GRAMD4: variants seen among roughly 807,000 people sequenced by gnomAD.
GRAMD4 encodes GRAM domain containing 4, also known as GRAM domain-containing protein 4.
In GRAMD4, 25 loss-of-function variants were observed where a neutral mutation model predicts 83.9. That is an observed-to-expected ratio of 0.30 (90% confidence interval 0.22 to 0.42). The LOEUF (loss-of-function observed/expected upper bound fraction) is 0.42, where lower values mean the gene tolerates loss of function less well. GRAMD4 is among the 10% of genes least tolerant of loss of function. GRAMD4 has a pLI of 1.00. For synonymous variants in GRAMD4, 336 were observed against 320.9 expected, an observed-to-expected ratio of 1.05 and a Z score of -0.50; for missense variants, 593 against 788.7, an observed-to-expected ratio of 0.75 and a Z score of 2.97.
intron 2 of GRAMD4, among the ~76,000 whole-genome samples, chr22:46,634,149 G>A (rs1024275258): frequency 2.6e-5 from 4 of 152,214 alleles, no homozygotes; most frequent in African/African-American, 7.2e-5. Context: ...GGGCCCTGCC[G>A]AGGGCTGGGG....
intron 1 of GRAMD4, among the ~76,000 whole-genome samples, chr22:46,601,909 A>C (rs1459300060): frequency 6.6e-6 from 1 of 152,222 alleles, no homozygotes; most frequent in Non-Finnish European, 1.5e-5. Flanking sequence ...CCCCCAGTTC[A>C]TATCTCCAGA....
At chr22:46,638,920 G>A (rs1018064574) in intron 3 of GRAMD4, among the ~76,000 whole-genome samples, 3 of 152,202 alleles carry the variant, frequency 2.0e-5, no homozygotes, top group Non-Finnish European at 1.5e-5. Context: ...TTGCCAGAAG[G>A]ATTGTCATCT....
At chr22:46,655,164 C>T (rs2082224448) in intron 3 of GRAMD4, among the ~76,000 whole-genome samples, 1 of 149,162 alleles carries the variant, frequency 6.7e-6, no homozygotes, top group Admixed American at 6.8e-5. Flanking sequence ...CGACCCTCGG[C>T]AAATCTGAAT....
chr22:46,677,057 C>T (rs961675372), intron 18 of GRAMD4, 90 bp from the exon 19 acceptor site: 4 of 1,484,830 alleles, frequency 2.7e-6, no homozygotes, highest in Non-Finnish European at 2.8e-6. Context: ...AGCGTGCTGG[C>T]CTGGGGCTGG....
At chr22:46,603,549 C>T (rs1436149145) in intron 1 of GRAMD4, among the ~76,000 whole-genome samples, 1 of 105,612 alleles carries the variant, frequency 9.5e-6, no homozygotes, top group African/African-American at 3.5e-5. Context: ...TGGAGTCTCA[C>T]TCTGTCACCC....
chr22:46,581,795 C>T (rs892574834), intron 1 of GRAMD4, among the ~76,000 whole-genome samples: 1 of 152,192 alleles, frequency 6.6e-6, no homozygotes, highest in African/African-American at 2.4e-5. Context: ...TAACCTAAGC[C>T]CCATATGCAC....
chr22:46,586,693 G>A (rs2081153606), intron 1 of GRAMD4, among the ~76,000 whole-genome samples: 1 of 152,212 alleles, frequency 6.6e-6, no homozygotes, highest in Non-Finnish European at 1.5e-5. Flanking sequence ...CAGGGCGACT[G>A]GCTGCTGTCC....
In GRAMD4 at chr22:46,579,319, C is replaced by A. The variant is rs551794100; in HGVS notation, c.-50+2029C>A. The stretch of plus-strand genomic sequence containing the variant: ...CGTTAGGTGATCTTTGCTCTCCGCT[C>A]TCCCAGGCTTCACCTTCACCAACTG... On this transcript the variant is annotated intron_variant, in intron 1 of 1. Coordinates refer to the GRAMD4 transcript ENST00000431155. Among the ~76,000 whole-genome samples the A allele has an allele frequency of 9.2e-5, 14 of 152,330 alleles. No individual in the cohort carries two copies. The South Asian group carries it at 2.9e-3, about 32-fold the overall frequency.
rs1415364445 is a variant in GRAMD4, at chr22:46,667,330, ACT to A, written c.858+460_858+461del. ...ACTCCAGCCTGGGCAACAGAGCAAGACTCTGTCTCAAAAAAACAGAACAACGA... is the reference window on the plus strand; with the variant it reads ...ACTCCAGCCTGGGCAACAGAGCAAGACTGTCTCAAAAAAACAGAACAACGA... On this transcript the variant is annotated intron_variant, in intron 10 of 18. Coordinates refer to ENST00000406902, the MANE Select transcript of GRAMD4 (RefSeq NM_015124.5). Among the ~76,000 whole-genome samples the A allele has an allele frequency of 5.3e-5, 8 of 152,120 alleles. No homozygotes were observed. In the South Asian group the frequency reaches 6.2e-4, roughly 12 times the overall value.
At chr22:46,643,083 TTATCCATCC>T (rs2081999283) in intron 3 of GRAMD4, among the ~76,000 whole-genome samples, 1 of 12,504 alleles carries the variant, frequency 8.0e-5, no homozygotes, top group Non-Finnish European at 1.8e-4. Context: ...ATCTATCCAT[TTATCCATCC>T]ATCCATCCAT....
intron 1 of GRAMD4, among the ~76,000 whole-genome samples, chr22:46,578,273 G>A (rs771130678): frequency 3.9e-5 from 6 of 152,178 alleles, no homozygotes; most frequent in Non-Finnish European, 7.4e-5. Context: ...CCAGCCCAGT[G>A]CAGCCCTGCC....
rs529612790 is a variant in GRAMD4, at chr22:46,669,598, C to T, written c.1084+690C>T. The stretch of plus-strand genomic sequence containing the variant: ...CTCTCTCTTTTTTTTTTTTTGGAGA[C>T]GGAGTGTCGCTCTGTCGCCCAGGCT... On this transcript the variant is annotated intron_variant, in intron 13 of 18. Transcript: ENST00000406902. 3.0e-4 allele frequency among the ~76,000 whole-genome samples: 45 copies of T among 148,096 alleles called. 2 individuals carry two copies. Among genetic ancestry groups the T allele is most frequent in the Admixed American group, 9.4e-4 (14 of 14,888 alleles).
upstream of GRAMD4, chr22:46,620,166 C>A (rs370140570): frequency 4.4e-6 from 1 of 225,406 alleles, no homozygotes; most frequent in Non-Finnish European, 7.4e-6. This position sits in a 1 kb window ranked among gnomAD's most constrained non-coding sequence, Gnocchi z 4.7. Context: ...AAGTCCTTTG[C>A]GGTTTCTGAG....
chr22:46,674,014 C>T (rs548778637), intron 15 of GRAMD4, among the ~76,000 whole-genome samples, 200 bp downstream of exon 15: 5 of 152,312 alleles, frequency 3.3e-5, no homozygotes, highest in South Asian at 4.1e-4. Context: ...GGGAGGAGGG[C>T]GTGCCCGTGG....
chr22:46,653,915 G>A (rs1208084602), intron 3 of GRAMD4, among the ~76,000 whole-genome samples: 1 of 152,178 alleles, frequency 6.6e-6, no homozygotes, highest in African/African-American at 2.4e-5. Flanking sequence ...ACGTGATAGA[G>A]TCACTGCCAC....
chr22:46,673,552 G>A (rs957109940), intron 14 of GRAMD4, 118 bp from the exon 15 acceptor site: 25 of 1,285,962 alleles, frequency 1.9e-5, no homozygotes, highest in Non-Finnish European at 2.4e-5. Flanking sequence ...AAGGGACCTC[G>A]GGAACGTCTT....
chr22:46,601,452 T>C (rs928754454), intron 1 of GRAMD4, among the ~76,000 whole-genome samples: 8 of 152,044 alleles, frequency 5.3e-5, no homozygotes, highest in African/African-American at 1.9e-4. Flanking sequence ...TAGGGTGTTT[T>C]GGGTTTTTTG....
At chr22:46,616,282 GTTCCCCTGTGTGTGTGGC>G (rs1569262561), upstream of GRAMD4, among the ~76,000 whole-genome samples, 1 of 24,732 alleles carries the variant, frequency 4.0e-5, no homozygotes. Context: ...GTGTGTGCAG[GTTCCCCTGTGTGTGTGGC>G]TTCCCCTGTG....
At chr22:46,599,406 C>T (rs757783490) in intron 1 of GRAMD4, among the ~76,000 whole-genome samples, 1 of 151,900 alleles carries the variant, frequency 6.6e-6, no homozygotes, top group Non-Finnish European at 1.5e-5. Flanking sequence ...GCAACCTCTA[C>T]CTCCCGGGTT....
Sources: gnomAD v4.1 joint callset for allele counts (sites outside exome capture counted in the v4.1 genomes callset) on GRCh38, gnomAD v4.1.1 for gene constraint, Gnocchi (gnomAD v3.1) non-coding constraint, MANE v1.5 for transcripts, NCBI Gene and HGNC (gene_info 2026-07-23, HGNC 2026-07-21) for gene names.